Variants in KIAA0319L observed in about 807,000 individuals in gnomAD.
The protein encoded by KIAA0319L is dyslexia-associated protein KIAA0319-like protein.
In KIAA0319L, 55 loss-of-function variants were observed where a neutral mutation model predicts 120.1. The ratio of observed to expected loss-of-function variants is 0.46; its 90% CI spans 0.37 to 0.57. The LOEUF is 0.57. Ranked by LOEUF, KIAA0319L falls within the 20% of genes least tolerant of loss-of-function variation. KIAA0319L has a pLI of 0.00. For missense variants in KIAA0319L, 1,049 were observed against 1,255.3 expected (o/e 0.84, Z 2.48); for synonymous variants, 398 against 471.9 (o/e 0.84, Z 2.03).
intron 2 of KIAA0319L, among the ~76,000 whole-genome samples, chr1:35,513,452 TAA>T: frequency 6.6e-6 from 1 of 151,760 alleles, no homozygotes; most frequent in Middle Eastern, 3.4e-3. Context: ...TTGTCTTTAC[TAA>T]AAATTTTAAA....
At chr1:35,436,489 C>G (rs1640802208) in intron 20 of KIAA0319L, among the ~76,000 whole-genome samples, 1 of 152,154 alleles carries the variant, frequency 6.6e-6, no homozygotes, top group South Asian at 2.1e-4. Context: ...TGGAAAGGGC[C>G]CTGGCAAGGG....
At chr1:35,496,400 A>T (rs1644807399) in intron 3 of KIAA0319L, among the ~76,000 whole-genome samples, 1 of 152,206 alleles carries the variant, frequency 6.6e-6, no homozygotes, top group African/African-American at 2.4e-5. Flanking sequence ...AGCCTGGGTG[A>T]CACAGTGAGA....
At position 35,453,730 on chromosome 1, in the gene KIAA0319L, G is replaced by A. The variant is rs746202394; in HGVS notation, c.1781-41C>T. ...TTAGAGGTCAAAAGCAGCCAGTCCA[G>A]GTGGGAAAGGAGAGGAACCAATTGG... On this transcript the variant is annotated intron_variant, in intron 11 of 20. Coordinates refer to ENST00000325722, the MANE Select transcript of KIAA0319L (RefSeq NM_024874.5). The surrounding 1 kb of genome is among the most constrained non-coding windows in gnomAD (Gnocchi z 4.1). 7 of 1,590,000 alleles carry A rather than the reference G, an allele frequency of 4.4e-6. No individual in the cohort carries two copies. In the African/African-American group the frequency reaches 9.5e-5, roughly 22 times the overall value.
intron 4 of KIAA0319L, among the ~76,000 whole-genome samples, chr1:35,478,429 G>A (rs1489077628): frequency 6.6e-6 from 1 of 152,100 alleles, no homozygotes; most frequent in Admixed American, 6.5e-5. Context: ...TGGATTGTTT[G>A]TAACACAAAG....
intron 2 of KIAA0319L, among the ~76,000 whole-genome samples, chr1:35,527,109 A>G (rs1646178086): frequency 6.6e-6 from 1 of 152,118 alleles, no homozygotes; most frequent in South Asian, 2.1e-4. Flanking sequence ...AAGGTTGTTG[A>G]ATTTTATAAG....
intron 2 of KIAA0319L, among the ~76,000 whole-genome samples, chr1:35,549,050 CTT>C (rs869246893): frequency 3.1e-4 from 44 of 141,860 alleles, no homozygotes; most frequent in Non-Finnish European, 2.9e-4. Context: ...TGCGTTGCAT[CTT>C]TTTTTTTTTT....
chr1:35,523,598 T>C (rs951459290), intron 2 of KIAA0319L, among the ~76,000 whole-genome samples: 2 of 152,062 alleles, frequency 1.3e-5, no homozygotes, highest in African/African-American at 4.8e-5. Flanking sequence ...TGACGGTTGG[T>C]AGATGAGTAA....
Position 35,479,004 on chromosome 1 carries a change from G to C in KIAA0319L, c.875C>G (p.Pro292Arg), listed in dbSNP as rs143992851. 6.8e-6 allele frequency: 11 copies of C among 1,614,014 alleles called. No individual in the cohort carries two copies. The highest frequency in any genetic ancestry group is 1.3e-5 in the African/African-American group (1 of 74,932). ...APSYSYATPT[P>R]QASFQSTSAP... ...TGAGGTGCTCTGGAAAGAGGCCTGG[G>C]GGGTAGGGGTAGCATAACTGTAGGA... The change falls in exon 4 of 21, where the codon CCC becomes CGC. Residue 292 changes from proline to arginine, a missense_variant. By Grantham distance (103) the Pro-to-Arg change is moderately radical. Coordinates refer to ENST00000325722, the MANE Select transcript of KIAA0319L (RefSeq NM_024874.5).
At chr1:35,524,881 T>C (rs560585399) in intron 2 of KIAA0319L, among the ~76,000 whole-genome samples, 1 of 152,328 alleles carries the variant, frequency 6.6e-6, no homozygotes, top group Non-Finnish European at 1.5e-5. Context: ...TCTTTAAATA[T>C]ACAATACATT....
chr1:35,529,716 T>C (rs1431612319), intron 2 of KIAA0319L, among the ~76,000 whole-genome samples: 1 of 152,224 alleles, frequency 6.6e-6, no homozygotes, highest in African/African-American at 2.4e-5. Flanking sequence ...GAACAGATGC[T>C]TTTCTCTTGC....
chr1:35,470,967 A>G lies in KIAA0319L; in HGVS notation c.1016-7T>C, dbSNP rs769521206. On this transcript the variant is annotated splice_polypyrimidine_tract_variant and splice_region_variant and intron_variant, in intron 5 of 20. Transcript: ENST00000325722. ...TCGTAGGTGTAGGTTTCTCCTATAGAAGGGCAGTTACAAAAATCATGAAAA... is the reference window on the plus strand; with the variant it reads ...TCGTAGGTGTAGGTTTCTCCTATAGGAGGGCAGTTACAAAAATCATGAAAA... The G allele has an allele frequency of 2.6e-6, 4 of 1,540,304 alleles. No homozygotes were observed. Among genetic ancestry groups the G allele is most frequent in the Non-Finnish European group, 3.6e-6 (4 of 1,112,690 alleles).
intron 9 of KIAA0319L, among the ~76,000 whole-genome samples, chr1:35,458,669 A>G (rs1412716707): frequency 6.6e-6 from 1 of 152,238 alleles, no homozygotes; most frequent in Non-Finnish European, 1.5e-5. Context: ...GAGGATAACC[A>G]TAATACCTGT....
chr1:35,501,098 T>G (rs1644988606), intron 3 of KIAA0319L, among the ~76,000 whole-genome samples: 1 of 152,188 alleles, frequency 6.6e-6, no homozygotes, highest in South Asian at 2.1e-4. Flanking sequence ...ACTCTCCACA[T>G]TAGACCACAA....
intron 3 of KIAA0319L, among the ~76,000 whole-genome samples, chr1:35,494,990 C>A (rs1317464940): frequency 6.6e-6 from 1 of 152,180 alleles, no homozygotes; most frequent in African/African-American, 2.4e-5. Context: ...CCTAAAACAA[C>A]TGGATATTCA....
chr1:35,517,547 T>C (rs1392383189), intron 2 of KIAA0319L, among the ~76,000 whole-genome samples: 1 of 152,122 alleles, frequency 6.6e-6, no homozygotes, highest in Non-Finnish European at 1.5e-5. Context: ...CCTTATACCA[T>C]ATACAAAAAT....
chr1:35,554,333 T>C lies in KIAA0319L; in HGVS notation c.142+17A>G. ...TTTCTAAAAAAAAAAATCTTAAATC[T>C]ATAAAGAAAATAGTACCTGTTGACA... On this transcript the variant is annotated intron_variant, in intron 2 of 20. Transcript: ENST00000325722. The C allele has an allele frequency of 6.5e-7, 1 of 1,532,892 alleles. No homozygotes were observed. Among genetic ancestry groups the C allele is most frequent in the East Asian group, 2.3e-5 (1 of 42,868 alleles). 95.0% of individuals were successfully genotyped at this position (1,532,892 alleles called of 1,614,324 possible). A position where few individuals can be genotyped will look rare whatever the true frequency, so the allele number is the denominator to read the frequency against.
At chr1:35,516,795 T>G (rs906321325) in intron 2 of KIAA0319L, among the ~76,000 whole-genome samples, 2 of 152,134 alleles carry the variant, frequency 1.3e-5, no homozygotes, top group African/African-American at 4.8e-5. Flanking sequence ...TGATTCTATA[T>G]CTAGAAAACC....
chr1:35,493,194 T>C (rs1644664075), intron 3 of KIAA0319L, among the ~76,000 whole-genome samples: 1 of 152,142 alleles, frequency 6.6e-6, no homozygotes, highest in Non-Finnish European at 1.5e-5. Flanking sequence ...TTAGCAAGAT[T>C]ACAAGATACA....
chr1:35,544,756 C>T (rs1179329396), intron 2 of KIAA0319L, among the ~76,000 whole-genome samples: 2 of 152,144 alleles, frequency 1.3e-5, no homozygotes, highest in Non-Finnish European at 2.9e-5. Flanking sequence ...GACTTCTGCT[C>T]GAAGCCATAA....
Sources: gnomAD v4.1 joint callset for allele counts (sites outside exome capture counted in the v4.1 genomes callset) on GRCh38, gnomAD v4.1.1 for gene constraint, Gnocchi (gnomAD v3.1) non-coding constraint, MANE v1.5 for transcripts, NCBI Gene and HGNC (gene_info 2026-07-23, HGNC 2026-07-21) for gene names.